The following OLFM2 variants were observed in gnomAD, a reference collection of about 807,000 sequenced individuals.
The protein encoded by OLFM2 is noelin-2.
In OLFM2, 20 loss-of-function variants were observed where a neutral mutation model predicts 43.9. The observed-to-expected ratio is 0.46, with a 90% CI of 0.32 to 0.66. The LOEUF (loss-of-function observed/expected upper bound fraction) is 0.66, where lower values mean the gene tolerates loss of function less well. OLFM2 is among the 30% of genes least tolerant of loss of function. The probability of loss-of-function intolerance (pLI) is 0.04; values close to 1 mark genes in which losing one functional copy is unlikely to be tolerated. For synonymous variants in OLFM2, 268 were observed against 278.6 expected, an observed-to-expected ratio of 0.96 and a Z score of 0.38; for missense variants, 416 against 643.6, an observed-to-expected ratio of 0.65 and a Z score of 3.83.
chr19:9,907,636 A>C (rs1478933510), intron 1 of OLFM2, among the ~76,000 whole-genome samples: 1 of 152,102 alleles, frequency 6.6e-6, no homozygotes, highest in Non-Finnish European at 1.5e-5. Flanking sequence ...CTATGGTGAG[A>C]TGGAGATAGA....
chr19:9,929,465 G>A (rs939299169), intron 1 of OLFM2, among the ~76,000 whole-genome samples: 1 of 152,016 alleles, frequency 6.6e-6, no homozygotes, highest in African/African-American at 2.4e-5. Flanking sequence ...GTGTGGTGGT[G>A]TGTGCCTGTA....
intron 1 of OLFM2, among the ~76,000 whole-genome samples, chr19:9,916,020 G>C (rs572492741): frequency 2.0e-5 from 3 of 152,176 alleles, no homozygotes; most frequent in Non-Finnish European, 4.4e-5. Context: ...CTTTACAAGT[G>C]TCTGGGACAT....
chr19:9,854,911 C>G lies in OLFM2; in HGVS notation c.688-48G>C, dbSNP rs1407024553. ...CTGGGGGGAACCACCACCAACGACC[C>G]AAGGGTCCCAGCACCAGCTACAGCC... is the stretch of plus-strand genomic sequence containing the variant. On this transcript the variant is annotated intron_variant, in intron 5 of 5. Coordinates refer to ENST00000264833, the MANE Select transcript of OLFM2 (RefSeq NM_058164.4). The surrounding 1 kb of genome is among the most constrained non-coding windows in gnomAD (Gnocchi z 9.5). The G allele has an allele frequency of 2.1e-6, 3 of 1,422,204 alleles. No homozygotes were observed. The highest frequency in any genetic ancestry group is 2.8e-6 in the Non-Finnish European group (3 of 1,054,414). 88.1% of individuals were successfully genotyped at this position (1,422,204 alleles called of 1,614,324 possible).
intron 1 of OLFM2, among the ~76,000 whole-genome samples, chr19:9,870,100 A>C (rs536403073): frequency 3.4e-4 from 52 of 151,980 alleles, no homozygotes; most frequent in Non-Finnish European, 6.5e-4. Context: ...GAGTCTCACT[A>C]TGTTGCCCAG....
chr19:9,860,670 C>A lies in OLFM2; in HGVS notation c.188G>T (p.Arg63Leu). 6.3e-7 allele frequency: 1 copy of A among 1,593,656 alleles called. No homozygotes were observed. The highest frequency in any genetic ancestry group is 1.1e-5 in the South Asian group (1 of 87,988). ...CTTCTCCATCAGTTGCCGCAGCTCC[C>A]GACTCCTGCCATCTCGAGAGCAGGT... is the stretch of plus-strand genomic sequence containing the variant. ...QSTCSRDGRS[R>L]ELRQLMEKVQ... The change falls in exon 2 of 6, where the codon CGG (arginine) becomes CTG (leucine). Residue 63 changes from arginine to leucine, a missense_variant. By Grantham distance (102) the Arg-to-Leu change is moderately radical. Coordinates refer to ENST00000264833, the MANE Select transcript of OLFM2 (RefSeq NM_058164.4).
intron 1 of OLFM2, among the ~76,000 whole-genome samples, chr19:9,889,356 C>T (rs1229908747): frequency 6.6e-6 from 1 of 152,082 alleles, no homozygotes; most frequent in Non-Finnish European, 1.5e-5. Flanking sequence ...TCAAGCAATC[C>T]TCCCACCTCA....
chr19:9,917,321 G>A (rs991797491), intron 1 of OLFM2, among the ~76,000 whole-genome samples: 1 of 151,922 alleles, frequency 6.6e-6, no homozygotes, highest in Non-Finnish European at 1.5e-5. Context: ...CTACAGATGC[G>A]AGCCACCATT....
intron 1 of OLFM2, among the ~76,000 whole-genome samples, chr19:9,917,085 T>C (rs1336426423): frequency 6.6e-6 from 1 of 152,182 alleles, no homozygotes; most frequent in African/African-American, 2.4e-5. Context: ...TGGCTCCATC[T>C]GGGACACTGC....
At chr19:9,908,274 A>G (rs2046799613) in intron 1 of OLFM2, among the ~76,000 whole-genome samples, 1 of 151,716 alleles carries the variant, frequency 6.6e-6, no homozygotes, top group Admixed American at 6.6e-5. Flanking sequence ...ACAGGTGTGC[A>G]CCACCATGCC....
At chr19:9,935,194 T>C (rs901630235) in intron 1 of OLFM2, among the ~76,000 whole-genome samples, 2 of 152,158 alleles carry the variant, frequency 1.3e-5, no homozygotes, top group Admixed American at 1.3e-4. Context: ...GTCTGTGCTG[T>C]GTGATTGAAA....
At chr19:9,858,475 C>A (rs910799818) in intron 2 of OLFM2, among the ~76,000 whole-genome samples, 1 of 152,198 alleles carries the variant, frequency 6.6e-6, no homozygotes, top group Non-Finnish European at 1.5e-5. Flanking sequence ...TCCTTCCCAG[C>A]TGTGACTATG....
chr19:9,861,915 G>C (rs1400657709), intron 1 of OLFM2, among the ~76,000 whole-genome samples: 1 of 152,024 alleles, frequency 6.6e-6, no homozygotes, highest in East Asian at 1.9e-4. Context: ...AGCTACATGG[G>C]AGGCTGAGGC....
chr19:9,912,671 T>C (rs1260050511), intron 1 of OLFM2, among the ~76,000 whole-genome samples: 1 of 150,898 alleles, frequency 6.6e-6, no homozygotes, highest in Non-Finnish European at 1.5e-5. Flanking sequence ...GGAAGCTCTG[T>C]AGTGGGGAAG....
intron 1 of OLFM2, among the ~76,000 whole-genome samples, chr19:9,884,034 G>A (rs996454925): frequency 1.6e-4 from 25 of 152,210 alleles, no homozygotes; most frequent in East Asian, 9.7e-4. Flanking sequence ...TTGGGAGGCC[G>A]GGGTGAAAGG....
At chr19:9,860,879 A>G (rs2099981194) in intron 1 of OLFM2, 85 bp from the exon 2 acceptor site, 1 of 1,399,138 alleles carries the variant, frequency 7.1e-7, no homozygotes, top group South Asian at 1.3e-5. Context: ...GCCCAAGGAA[A>G]CCACAGATGC....
chr19:9,866,013 C>T (rs189537123), intron 1 of OLFM2, among the ~76,000 whole-genome samples: 1 of 152,168 alleles, frequency 6.6e-6, no homozygotes, highest in East Asian at 1.9e-4. Flanking sequence ...AGCAAATAAG[C>T]CATTTTCTCT....
chr19:9,930,059 G>T (rs2086473784), intron 1 of OLFM2, among the ~76,000 whole-genome samples: 1 of 151,836 alleles, frequency 6.6e-6, no homozygotes, highest in Admixed American at 6.6e-5. Context: ...AAGAAAGAAA[G>T]AAAGAAATCC....
chr19:9,857,977 C>T lies in OLFM2; in HGVS notation c.214-116G>A. On this transcript the variant is annotated intron_variant, in intron 2 of 5. Transcript: ENST00000264833. This position sits in a 1 kb window ranked among gnomAD's most constrained non-coding sequence, Gnocchi z 5.7. ...TGTACAAACACCACACCGACGAGGC[C>T]ACCTTCTCCTCCCCTGAGCTTACCA... 1 of 1,294,324 alleles carries T rather than the reference C, an allele frequency of 7.7e-7. No individual in the cohort carries two copies. The highest frequency in any genetic ancestry group is 1.5e-5 in the African/African-American group (1 of 68,660). The allele number at this position is 1,294,324 out of a possible 1,614,324, so 80.2% of individuals were successfully genotyped here.
chr19:9,905,408 G>T (rs1244554514), intron 1 of OLFM2, among the ~76,000 whole-genome samples: 1 of 152,008 alleles, frequency 6.6e-6, no homozygotes, highest in Non-Finnish European at 1.5e-5. Flanking sequence ...AGTGAGCCGA[G>T]ATTGCGCCAC....
Sources: allele counts gnomAD v4.1 joint callset (sites outside exome capture counted in the v4.1 genomes callset), GRCh38; gene constraint gnomAD v4.1.1; non-coding constraint Gnocchi (gnomAD v3.1); transcripts MANE v1.5; gene names NCBI Gene and HGNC (gene_info 2026-07-23, HGNC 2026-07-21).